The following ACSS3 variants were observed in gnomAD, a reference collection of about 807,000 sequenced individuals.
ACSS3 encodes the protein acyl-CoA synthetase short chain family member 3, also known as acyl-CoA synthetase short-chain family member 3, mitochondrial.
ACSS3 carries 64 observed loss-of-function variants against 84.2 expected under a neutral mutation model. The ratio of observed to expected loss-of-function variants is 0.76; its 90% CI spans 0.62 to 0.94. The LOEUF is 0.94. Ranked by LOEUF, ACSS3 falls within the 40% of genes least tolerant of loss-of-function variation. The probability of loss-of-function intolerance (pLI) is 0.00; values close to 1 mark genes in which losing one functional copy is unlikely to be tolerated. For synonymous variants in ACSS3, 317 were observed against 310.1 expected, an observed-to-expected ratio of 1.02 and a Z score of -0.23; for missense variants, 815 against 867.6, an observed-to-expected ratio of 0.94 and a Z score of 0.76.
At chr12:81,084,766 T>C (rs1472883779) in intron 1 of ACSS3, among the ~76,000 whole-genome samples, 1 of 152,044 alleles carries the variant, frequency 6.6e-6, no homozygotes, top group Non-Finnish European at 1.5e-5. Flanking sequence ...AGAGAAAAGA[T>C]AAAAATAGTG....
intron 1 of ACSS3, among the ~76,000 whole-genome samples, chr12:81,085,673 A>T (rs1391037016): frequency 1.3e-5 from 2 of 152,242 alleles, no homozygotes. Flanking sequence ...TTTGGCTACT[A>T]AATTGAAGGA....
chr12:81,188,156 T>C (rs959086771), intron 8 of ACSS3, among the ~76,000 whole-genome samples: 1 of 151,988 alleles, frequency 6.6e-6, no homozygotes, highest in African/African-American at 2.4e-5. Context: ...AGTGTTGTTA[T>C]TGAACAAACC....
chr12:81,201,327 C>T (rs141145537), intron 9 of ACSS3, among the ~76,000 whole-genome samples: 66 of 152,346 alleles, frequency 4.3e-4, no homozygotes, highest in Admixed American at 2.8e-3. Context: ...TCCACACAAA[C>T]GTGACCCGAC....
At position 81,082,441 on chromosome 12, in the gene ACSS3, G is replaced by A. The variant is rs536283080; in HGVS notation, c.311+4010G>A. Among the ~76,000 whole-genome samples, 3 of 152,280 alleles carry A rather than the reference G, an allele frequency of 2.0e-5. No individual in the cohort carries two copies. The South Asian group carries it at 6.2e-4, about 32-fold the overall frequency. On this transcript the variant is annotated intron_variant, in intron 1 of 15. Coordinates refer to ENST00000548058, the MANE Select transcript of ACSS3 (RefSeq NM_024560.4). ...ATGAGAGGGGTCTAGAGGAAATGAT[G>A]TTTAAACTGAGATCAAAATGAGTAG...
chr12:81,231,210 C>A (rs764741792), intron 12 of ACSS3, 72 bp downstream of exon 12: 1 of 1,257,448 alleles, frequency 8.0e-7, no homozygotes, highest in Non-Finnish European at 1.1e-6. Context: ...AATTGAGAAA[C>A]TTGCTCCTAG....
At chr12:81,228,886 GA>G (rs554028517) in intron 11 of ACSS3, among the ~76,000 whole-genome samples, 225 of 151,636 alleles carry the variant, frequency 1.5e-3, no homozygotes, top group Non-Finnish European at 1.4e-3. Context: ...CATAAAATGG[GA>G]AAAAAATACC....
intron 13 of ACSS3, among the ~76,000 whole-genome samples, chr12:81,236,467 A>G (rs2033633773): frequency 6.6e-6 from 1 of 151,286 alleles, no homozygotes; most frequent in Admixed American, 6.6e-5. Context: ...TGAATCATAG[A>G]TCTTTTTTCA....
intron 9 of ACSS3, among the ~76,000 whole-genome samples, chr12:81,213,869 T>C (rs1193174885): frequency 7.9e-6 from 1 of 126,192 alleles, no homozygotes; most frequent in African/African-American, 2.8e-5. Flanking sequence ...TCTTCCTTTC[T>C]TTCTTTCTTT....
intron 13 of ACSS3, among the ~76,000 whole-genome samples, chr12:81,244,772 T>G (rs12306459): frequency 0.35 from 53,516 of 152,046 alleles, 11,221 homozygotes; most frequent in Non-Finnish European, 0.48. Context: ...TCATCTATTA[T>G]TGCAAGTTGT....
intron 9 of ACSS3, among the ~76,000 whole-genome samples, chr12:81,216,330 T>C (rs1250320010): frequency 6.6e-6 from 1 of 151,756 alleles, no homozygotes; most frequent in Non-Finnish European, 1.5e-5. Context: ...GGGATAGCAT[T>C]AGGAGATATA....
At chr12:81,171,442 T>G (rs1228795769) in intron 7 of ACSS3, among the ~76,000 whole-genome samples, 1 of 152,166 alleles carries the variant, frequency 6.6e-6, no homozygotes, top group African/African-American at 2.4e-5. Context: ...AATATTAAGT[T>G]AATTTTAAAT....
intron 13 of ACSS3, among the ~76,000 whole-genome samples, chr12:81,243,747 T>C (rs886214246): frequency 2.6e-5 from 4 of 152,078 alleles, no homozygotes; most frequent in African/African-American, 9.7e-5. Context: ...AGCAAAATAT[T>C]TCTAATTCCT....
In ACSS3 at chr12:81,167,937, AC is replaced by A. The variant is rs1220871398; in HGVS notation, c.1099-6849del. On this transcript the variant is annotated intron_variant, in intron 7 of 15. Coordinates refer to ENST00000548058, the MANE Select transcript of ACSS3 (RefSeq NM_024560.4). Reference sequence around the variant, plus strand: ...GCCTGAGGAATTGCAACTATGTGGGACCTACCACAAGGAGATAGTGAAGAGG... The same window carrying A: ...GCCTGAGGAATTGCAACTATGTGGGACTACCACAAGGAGATAGTGAAGAGG... Among the ~76,000 whole-genome samples, 8 of 152,322 alleles carry A rather than the reference AC, an allele frequency of 5.3e-5. No individual in the cohort carries two copies. The East Asian group carries it at 1.5e-3, about 29-fold the overall frequency.
chr12:81,085,348 AC>A lies in ACSS3; in HGVS notation c.311+6918del, dbSNP rs1474200157. Among the ~76,000 whole-genome samples, 3 of 152,236 alleles carry A rather than the reference AC, an allele frequency of 2.0e-5. No individual in the cohort carries two copies. In the South Asian group the frequency reaches 6.2e-4, roughly 31 times the overall value. Reference sequence around the variant, plus strand: ...ATCTCAATATTTGTTTGTGAGTCTGACAGGGAGGATAAGGAAGCAGCTGAAA... The same window carrying A: ...ATCTCAATATTTGTTTGTGAGTCTGAAGGGAGGATAAGGAAGCAGCTGAAA... On this transcript the variant is annotated intron_variant, in intron 1 of 15. Coordinates refer to ENST00000548058, the MANE Select transcript of ACSS3 (RefSeq NM_024560.4).
chr12:81,225,269 TTA>T (rs1483677058), intron 11 of ACSS3, among the ~76,000 whole-genome samples: 1 of 151,952 alleles, frequency 6.6e-6, no homozygotes, highest in Non-Finnish European at 1.5e-5. Context: ...ATGTCTTCCT[TTA>T]TGAGTCTTTC....
intron 11 of ACSS3, among the ~76,000 whole-genome samples, chr12:81,225,736 G>A (rs538407185): frequency 6.6e-6 from 1 of 151,944 alleles, no homozygotes. Context: ...ATCTCCACGT[G>A]TCTGTGATCA....
chr12:81,132,597 T>G (rs985425153), intron 2 of ACSS3, among the ~76,000 whole-genome samples: 6 of 152,160 alleles, frequency 3.9e-5, no homozygotes, highest in Admixed American at 3.3e-4. Flanking sequence ...ATTCATTGAT[T>G]TTTTGAAGGA....
chr12:81,227,974 AAAGGGAACCAGC>A (rs1272618337), intron 11 of ACSS3, among the ~76,000 whole-genome samples: 2 of 151,822 alleles, frequency 1.3e-5, no homozygotes, highest in Non-Finnish European at 2.9e-5. Flanking sequence ...TCTGTAATCC[AAAGGGAACCAGC>A]TAGACATATG....
chr12:81,167,450 G>A (rs1779730278), intron 7 of ACSS3, among the ~76,000 whole-genome samples: 1 of 152,102 alleles, frequency 6.6e-6, no homozygotes, highest in South Asian at 2.1e-4. Context: ...GAAATATATA[G>A]AACAGAAATA....
Sources: gnomAD v4.1 joint callset for allele counts (sites outside exome capture counted in the v4.1 genomes callset) on GRCh38, gnomAD v4.1.1 for gene constraint, MANE v1.5 for transcripts, NCBI Gene and HGNC (gene_info 2026-07-23, HGNC 2026-07-21) for gene names.